AXDND1: variants seen among roughly 807,000 people sequenced by gnomAD.
AXDND1 encodes the protein axonemal dynein light chain domain-containing protein 1.
In AXDND1, 110 loss-of-function variants were observed where a neutral mutation model predicts 137.5. That is an observed-to-expected ratio of 0.80 (90% CI 0.69 to 0.94). The LOEUF (loss-of-function observed/expected upper bound fraction) is 0.94, where lower values mean the gene tolerates loss of function less well. Among genes scored for constraint, AXDND1 ranks in the 40% least tolerant of loss-of-function variants. The pLI is 0.00. For synonymous variants in AXDND1, 414 were observed against 399.7 expected, an observed-to-expected ratio of 1.04 and a Z score of -0.43; for missense variants, 1,191 against 1,169.8, an observed-to-expected ratio of 1.02 and a Z score of -0.26.
chr1:179,508,807 ACTCAATTT>A (rs1233707902), intron 20 of AXDND1, among the ~76,000 whole-genome samples: 11 of 152,222 alleles, frequency 7.2e-5, no homozygotes, highest in South Asian at 4.1e-4. Context: ...ACATTTAACT[ACTCAATTT>A]CTCAGTTTCC....
intron 15 of AXDND1, among the ~76,000 whole-genome samples, chr1:179,442,218 C>T (rs540923995): frequency 3.9e-5 from 6 of 152,226 alleles, no homozygotes; most frequent in South Asian, 2.1e-4. Context: ...CTGGAAGAGG[C>T]GGTATAGGCC....
intron 20 of AXDND1, among the ~76,000 whole-genome samples, chr1:179,505,890 A>T (rs991101501): frequency 2.6e-5 from 4 of 152,156 alleles, no homozygotes; most frequent in Non-Finnish European, 5.9e-5. Context: ...GTCTGACCTC[A>T]TACAGCGGGA....
rs146346644 is a variant in AXDND1 at position 179,383,472 on chromosome 1, G to T, written c.669G>T (p.Gln223His). ...MKPNKRVEVAQLNDVMDTMLE... is the reference protein window; with the variant it reads ...MKPNKRVEVAHLNDVMDTMLE... The stretch of plus-strand genomic sequence containing the variant: ...CTAATAAAAGAGTAGAAGTGGCCCA[G>T]CTGAATGATGTGATGGATACTATGC... Residue 223 changes from glutamine to histidine, a missense_variant, in exon 8 of 26, where the codon CAG becomes CAT. Gln to His is a conservative substitution (Grantham distance 24). Coordinates refer to ENST00000367618, the MANE Select transcript of AXDND1 (RefSeq NM_144696.6). 886 of 1,613,964 alleles carry T rather than the reference G, an allele frequency of 5.5e-4. 19 individuals are homozygous for T. The East Asian group carries it at 0.02, about 36-fold the overall frequency.
chr1:179,525,324 C>A lies in AXDND1; in HGVS notation c.2497-10C>A. ...ACACCCTTTAATCATAATATTGGTT[C>A]ATCTCACAGGAGGCTGTAAAAGAAT... On this transcript the variant is annotated splice_polypyrimidine_tract_variant and intron_variant, in intron 21 of 25. Coordinates refer to ENST00000367618, the MANE Select transcript of AXDND1 (RefSeq NM_144696.6). 1.2e-6 allele frequency: 2 copies of A among 1,601,262 alleles called. No individual in the cohort carries two copies. Among genetic ancestry groups the A allele is most frequent in the Non-Finnish European group, 1.7e-6 (2 of 1,174,958 alleles).
chr1:179,395,605 T>C (rs2125144805), intron 11 of AXDND1, among the ~76,000 whole-genome samples: 1 of 152,328 alleles, frequency 6.6e-6, no homozygotes, highest in East Asian at 1.9e-4. Context: ...TAATATTACC[T>C]ACCTCATAGG....
chr1:179,499,570 G>A (rs1415244793), intron 20 of AXDND1, among the ~76,000 whole-genome samples: 3 of 152,060 alleles, frequency 2.0e-5, no homozygotes, highest in African/African-American at 7.2e-5. Context: ...TGCAGCGATG[G>A]TTGCACAACT....
chr1:179,537,638 A>G (rs1365829120), intron 25 of AXDND1, among the ~76,000 whole-genome samples: 6 of 152,172 alleles, frequency 3.9e-5, no homozygotes, highest in Non-Finnish European at 7.4e-5. Flanking sequence ...CATCAGGGAT[A>G]TTGGTCAAAA....
chr1:179,507,371 C>T (rs1355838544), intron 20 of AXDND1, among the ~76,000 whole-genome samples: 1 of 152,144 alleles, frequency 6.6e-6, no homozygotes. Context: ...GACAGTATCT[C>T]CAATGTCTCA....
At chr1:179,541,213 C>T (rs778665769) in intron 25 of AXDND1, among the ~76,000 whole-genome samples, 22 of 152,148 alleles carry the variant, frequency 1.4e-4, no homozygotes, top group Non-Finnish European at 2.5e-4. Context: ...AAGAGTGTAC[C>T]GTCGCACCTG....
At position 179,393,921 on chromosome 1, in the gene AXDND1, G is replaced by T; in HGVS notation, c.882G>T (p.Met294Ile). The T allele has an allele frequency of 6.2e-7, 1 of 1,610,836 alleles. No individual in the cohort carries two copies. Among genetic ancestry groups the T allele is most frequent in the Non-Finnish European group, 8.5e-7 (1 of 1,178,974 alleles). The change falls in exon 10 of 26, where the codon ATG becomes ATT. Residue 294 changes from methionine to isoleucine, a missense_variant. Met to Ile is a conservative substitution (Grantham distance 10, BLOSUM62 1). Transcript: ENST00000367618. The stretch of plus-strand genomic sequence containing the variant: ...CATGCAGAGAGAGGTATGTGCAAAT[G>T]CTTGACCAGATTGCTCGGCAGATGA... ...LSKVRERYVQMLDQIARQMID... is the reference protein window; with the variant it reads ...LSKVRERYVQILDQIARQMID...
Position 179,534,776 on chromosome 1 carries a change from G to C in AXDND1, c.2845G>C (p.Ala949Pro). The change falls in exon 25 of 26, where the codon GCA (alanine) becomes CCA (proline). Residue 949 changes from alanine to proline, a missense_variant. Ala to Pro is a conservative substitution (Grantham distance 27, BLOSUM62 -1). Transcript: ENST00000367618. ...ACAGGCAGAGGAGAAGTTTGAAGAT[G>C]CATATGAGAAACTTCATCATACCCT... The part of the protein sequence containing the change: ...ARQAEEKFED[A>P]YEKLHHTLIK... 6.2e-7 allele frequency: 1 copy of C among 1,600,966 alleles called. No individual in the cohort carries two copies. The highest frequency in any genetic ancestry group is 2.2e-5 in the East Asian group (1 of 44,762).
chr1:179,400,567 T>C (rs1651809994), intron 11 of AXDND1, among the ~76,000 whole-genome samples: 1 of 140,730 alleles, frequency 7.1e-6, no homozygotes, highest in African/African-American at 2.7e-5. Context: ...CAATAACTTA[T>C]GGAAAAATAA....
At chr1:179,515,819 G>C (rs1213106047) in intron 21 of AXDND1, among the ~76,000 whole-genome samples, 2 of 152,134 alleles carry the variant, frequency 1.3e-5, no homozygotes, top group Non-Finnish European at 2.9e-5. Flanking sequence ...GCAAGATACA[G>C]TCATGCACTG....
At chr1:179,375,530 T>C (rs1668512731) in intron 4 of AXDND1, among the ~76,000 whole-genome samples, 1 of 150,944 alleles carries the variant, frequency 6.6e-6, no homozygotes, top group Admixed American at 6.6e-5. Flanking sequence ...ATATGCATTA[T>C]ATATGTATAT....
chr1:179,513,662 G>A (rs1251853398), intron 21 of AXDND1, among the ~76,000 whole-genome samples: 1 of 151,970 alleles, frequency 6.6e-6, no homozygotes, highest in Non-Finnish European at 1.5e-5. Flanking sequence ...TGAATGTCTG[G>A]TAGAATTCTG....
intron 16 of AXDND1, chr1:179,448,918 G>A (rs1465108473): frequency 3.3e-5 from 6 of 182,528 alleles, no homozygotes; most frequent in Non-Finnish European, 6.9e-5. Context: ...ACAGAGTTGT[G>A]CTGTGTCATG....
chr1:179,368,948 T>G lies in AXDND1; in HGVS notation c.246T>G (p.Pro82=), dbSNP rs988710008. 6.2e-7 allele frequency: 1 copy of G among 1,612,534 alleles called. No homozygotes were observed. The highest frequency in any genetic ancestry group is 1.3e-5 in the African/African-American group (1 of 74,786). ...GTCCTTGTCCTGAAAACTTACTACC[T>G]CCTAAGAAAATTAAAACCCCAAAGG... The part of the protein sequence containing the change: ...NAGPCPENLL[P]PKKIKTPKGT... The change falls in exon 3 of 26, where the codon CCT becomes CCG. Residue 82 remains proline, a synonymous_variant. Coordinates refer to ENST00000367618, the MANE Select transcript of AXDND1 (RefSeq NM_144696.6).
chr1:179,400,297 A>T (rs1651760452), intron 11 of AXDND1, among the ~76,000 whole-genome samples: 1 of 152,192 alleles, frequency 6.6e-6, no homozygotes, highest in Non-Finnish European at 1.5e-5. Flanking sequence ...GAGATTGGAG[A>T]CCATTATTCT....
Position 179,509,423 on chromosome 1 carries a change from G to A in AXDND1, c.2496+20G>A, listed in dbSNP as rs753018575. The A allele has an allele frequency of 3.4e-5, 49 of 1,449,274 alleles. No homozygotes were observed. The highest frequency in any genetic ancestry group is 6.9e-5 in the South Asian group (6 of 86,450). 89.8% of individuals were successfully genotyped at this position (1,449,274 alleles called of 1,614,324 possible). On this transcript the variant is annotated intron_variant, in intron 21 of 25. Transcript: ENST00000367618. ...GAAGAGGTATTTGCCACATGTTAGC[G>A]TTGGTCATTATTCAGATTATTCCTG...
Sources: gnomAD v4.1 joint callset for allele counts (sites outside exome capture counted in the v4.1 genomes callset) on GRCh38, gnomAD v4.1.1 for gene constraint, MANE v1.5 for transcripts, NCBI Gene and HGNC (gene_info 2026-07-23, HGNC 2026-07-21) for gene names.